The following KIAA1549L variants were observed in gnomAD, a reference collection of about 807,000 sequenced individuals.
KIAA1549L encodes UPF0606 protein KIAA1549L.
KIAA1549L carries 88 observed loss-of-function variants against 160.7 expected under a neutral mutation model. The ratio of observed to expected loss-of-function variants is 0.55; its 90% CI spans 0.46 to 0.65. The LOEUF (loss-of-function observed/expected upper bound fraction) is 0.65. Among genes scored for constraint, KIAA1549L ranks in the 30% least tolerant of loss-of-function variants. The pLI is 0.00. For synonymous variants in KIAA1549L, 950 were observed against 976.7 expected (o/e 0.97, Z 0.51); for missense variants, 2,258 against 2,437.5 (o/e 0.93, Z 1.55).
chr11:33,426,081 C>T (rs148009531), intron 1 of KIAA1549L, among the ~76,000 whole-genome samples: 4 of 152,174 alleles, frequency 2.6e-5, no homozygotes, highest in African/African-American at 9.6e-5. Context: ...GATTCTGCAT[C>T]AGAAAAAGGA....
intron 16 of KIAA1549L, among the ~76,000 whole-genome samples, chr11:33,642,601 G>A (rs1365275742): frequency 6.6e-6 from 1 of 151,358 alleles, no homozygotes; most frequent in Admixed American, 6.6e-5. Flanking sequence ...TGGTTTGGGG[G>A]GGTGGAAATG....
chr11:33,564,290 A>G (rs1163468993), intron 8 of KIAA1549L, among the ~76,000 whole-genome samples: 1 of 152,200 alleles, frequency 6.6e-6, no homozygotes, highest in East Asian at 1.9e-4. Flanking sequence ...ACTCCCAGAC[A>G]TGCATCACAG....
intron 7 of KIAA1549L, 35 bp from the exon 8 acceptor site, chr11:33,561,641 T>C: frequency 1.3e-6 from 2 of 1,483,152 alleles, no homozygotes; most frequent in South Asian, 1.1e-5. Flanking sequence ...ATCAAACCTA[T>C]AAAAGTAATT....
At position 33,606,686 on chromosome 11, in the gene KIAA1549L, C is replaced by G. The variant is rs140833560; in HGVS notation, c.4925C>G (p.Ser1642Cys). ...EEEGAVLFDN[S>C]SKVAAEPFDT... is the part of the protein sequence containing the mutation. Reference sequence around the variant, plus strand: ...GAGGGAGCGGTTCTATTTGACAACTCCAGCAAGGTGGCCGCTGAACCCTTT... The same window carrying G: ...GAGGGAGCGGTTCTATTTGACAACTGCAGCAAGGTGGCCGCTGAACCCTTT... The change falls in exon 14 of 21, where the codon TCC becomes TGC. Residue 1642 changes from serine to cysteine, a missense_variant. Coordinates refer to ENST00000658780, the MANE Select transcript of KIAA1549L (RefSeq NM_012194.3). The G allele has an allele frequency of 3.1e-6, 5 of 1,613,998 alleles. No individual in the cohort carries two copies. Among genetic ancestry groups the G allele is most frequent in the Non-Finnish European group, 4.2e-6 (5 of 1,179,886 alleles).
intron 3 of KIAA1549L, among the ~76,000 whole-genome samples, chr11:33,545,642 T>G (rs576703587): frequency 6.6e-6 from 1 of 152,330 alleles, no homozygotes; most frequent in East Asian, 1.9e-4. Context: ...TTATCCAGCC[T>G]AAAACATCCA....
chr11:33,584,292 C>A (rs58184400), intron 11 of KIAA1549L, among the ~76,000 whole-genome samples: 2,242 of 152,320 alleles, frequency 0.015, 63 homozygotes, highest in African/African-American at 0.051. Context: ...GCTCCTAATG[C>A]AAGGCTCTCT....
chr11:33,576,863 T>C (rs970062673), intron 10 of KIAA1549L, among the ~76,000 whole-genome samples: 4 of 152,142 alleles, frequency 2.6e-5, no homozygotes, highest in African/African-American at 7.2e-5. Context: ...AGTTTGGTTG[T>C]AGACGTGTTA....
rs1167273699 is a variant in KIAA1549L, at chr11:33,530,430, AAAAAAAATATATATAT to A, written c.239-11370_239-11355del. On this transcript the variant is annotated intron_variant, in intron 1 of 20. Transcript: ENST00000658780. ...AAGAAGAAGGAAAAAAAAAAAAAAA[AAAAAAAATATATATAT>A]ATATATATATATATATATATATATA... 1.9e-3 allele frequency among the ~76,000 whole-genome samples: 27 copies of A among 14,388 alleles called. 1 individual carries two copies. The highest frequency in any genetic ancestry group is 0.015 in the East Asian group (10 of 654). The allele number at this position is 14,388 out of a possible 152,430, so 9.4% of individuals were successfully genotyped here.
chr11:33,388,103 A>G (rs1021395566), intron 1 of KIAA1549L, among the ~76,000 whole-genome samples: 1 of 152,182 alleles, frequency 6.6e-6, no homozygotes, highest in African/African-American at 2.4e-5. Flanking sequence ...TGCCTTGTGT[A>G]TTAGTCCACT....
At chr11:33,556,558 G>GCTAA (rs1854654141) in intron 6 of KIAA1549L, among the ~76,000 whole-genome samples, 1 of 152,234 alleles carries the variant, frequency 6.6e-6, no homozygotes, top group South Asian at 2.1e-4. Context: ...CAACAGGGAT[G>GCTAA]AACCTTGAGG....
intron 16 of KIAA1549L, among the ~76,000 whole-genome samples, chr11:33,631,425 G>T (rs1564932451): frequency 6.6e-6 from 1 of 152,162 alleles, no homozygotes; most frequent in Non-Finnish European, 1.5e-5. Context: ...GGCCCAGGCT[G>T]CTCAGCCTCC....
Position 33,672,199 on chromosome 11 carries a change from C to A in KIAA1549L, c.*4045C>A, listed in dbSNP as rs1036098650. 4.6e-5 allele frequency: 7 copies of A among 152,348 alleles called. No homozygotes were observed. The highest frequency in any genetic ancestry group is 8.8e-5 in the Non-Finnish European group (6 of 68,132). 9.4% of individuals were successfully genotyped at this position (152,348 alleles called of 1,614,324 possible). On this transcript the variant is annotated 3_prime_UTR_variant, in exon 21 of 21. Coordinates refer to ENST00000658780, the MANE Select transcript of KIAA1549L (RefSeq NM_012194.3). Reference sequence around the variant, plus strand: ...TTCTTCTCTGTTTCCCTCTGCCTATCTATCTGCCTGGTTCTCTTGCTTCTC... The same window carrying A: ...TTCTTCTCTGTTTCCCTCTGCCTATATATCTGCCTGGTTCTCTTGCTTCTC...
At chr11:33,644,742 G>T (rs2133402734) in intron 16 of KIAA1549L, among the ~76,000 whole-genome samples, 1 of 152,346 alleles carries the variant, frequency 6.6e-6, no homozygotes, top group Non-Finnish European at 1.5e-5. Context: ...AGCTATTGCT[G>T]TGGCATCCGC....
intron 8 of KIAA1549L, among the ~76,000 whole-genome samples, chr11:33,563,663 TAAG>T (rs1854950967): frequency 6.6e-6 from 1 of 152,134 alleles, no homozygotes; most frequent in Admixed American, 6.5e-5. Context: ...TTTTACCTGC[TAAG>T]AAGGCAAACA....
At chr11:33,430,009 CCCTTCCTTCCTTCCTT>C (rs762169127) in intron 1 of KIAA1549L, among the ~76,000 whole-genome samples, 2 of 93,296 alleles carry the variant, frequency 2.1e-5, no homozygotes, top group East Asian at 3.8e-4. Flanking sequence ...GCTCTGCCCT[CCCTTCCTTCCTTCCTT>C]CCTTCCTTCC....
rs56089511 is a variant in KIAA1549L at position 33,543,974 on chromosome 11, C to G, written c.2411C>G (p.Thr804Arg). ...GGAAGCCATATAGACCTCTGGCCCA[C>G]AAGCAATAACAACCATTCCAGAGAC... is the stretch of plus-strand genomic sequence containing the variant. ...MVGSHIDLWP[T>R]SNNNHSRDFQ... The change falls in exon 2 of 21, where the codon ACA becomes AGA. Residue 804 changes from threonine to arginine, a missense_variant. This residue lies in a region of KIAA1549L where 287 missense variants were observed against 292.3 expected (regional missense o/e 0.98). Transcript: ENST00000658780. 0.01 allele frequency: 16,292 copies of G among 1,614,004 alleles called. 117 individuals carry two copies. Among genetic ancestry groups the G allele is most frequent in the Middle Eastern group, 0.022 (136 of 6,062 alleles).
chr11:33,526,575 C>T (rs1853616985), intron 1 of KIAA1549L, among the ~76,000 whole-genome samples: 1 of 152,216 alleles, frequency 6.6e-6, no homozygotes, highest in Non-Finnish European at 1.5e-5. Context: ...AGGGCAATAA[C>T]AATCACTGCA....
At chr11:33,573,153 G>A (rs1327090826) in intron 9 of KIAA1549L, among the ~76,000 whole-genome samples, 1 of 152,056 alleles carries the variant, frequency 6.6e-6, no homozygotes. Flanking sequence ...GTTATGTATA[G>A]CATATACACA....
At chr11:33,595,823 A>G (rs908337901) in intron 12 of KIAA1549L, among the ~76,000 whole-genome samples, 1 of 152,102 alleles carries the variant, frequency 6.6e-6, no homozygotes, top group African/African-American at 2.4e-5. Flanking sequence ...AAACCAGGAG[A>G]AACCGGTGGT....
Sources: gnomAD v4.1 joint callset for allele counts (sites outside exome capture counted in the v4.1 genomes callset) on GRCh38, gnomAD v4.1.1 for gene constraint, gnomAD v4.1.1 regional missense constraint, MANE v1.5 for transcripts, NCBI Gene and HGNC (gene_info 2026-07-23, HGNC 2026-07-21) for gene names.